The following KNSTRN variants were observed in gnomAD, a reference collection of about 807,000 sequenced individuals.
KNSTRN encodes the protein small kinetochore-associated protein.
A neutral mutation model predicts 44.7 loss-of-function variants in KNSTRN; 38 were observed. That is an observed-to-expected ratio of 0.85 (90% confidence interval 0.66 to 1.11). The LOEUF (loss-of-function observed/expected upper bound fraction) is 1.11. Ranked by LOEUF, KNSTRN falls within the 50% of genes most tolerant of loss-of-function variation. The pLI, the probability that KNSTRN is intolerant of heterozygous loss-of-function variation, is 0.00. For missense variants in KNSTRN, 406 were observed against 375.8 expected, an observed-to-expected ratio of 1.08 and a Z score of -0.66; for synonymous variants, 158 against 148.1, an observed-to-expected ratio of 1.07 and a Z score of -0.48.
chr15:40,390,991 C>T (rs1219172778), intron 6 of KNSTRN, among the ~76,000 whole-genome samples: 4 of 152,096 alleles, frequency 2.6e-5, no homozygotes, highest in East Asian at 1.9e-4. Context: ...GATGGGATCT[C>T]GCTATGTTGC....
At chr15:40,384,495 G>C in intron 2 of KNSTRN, 1 of 455,884 alleles carries the variant, frequency 2.2e-6, no homozygotes, top group South Asian at 1.5e-5. Flanking sequence ...CGGGGACTAG[G>C]AGTTGCTGGA....
At chr15:40,386,020 G>A (rs1393271491) in intron 2 of KNSTRN, among the ~76,000 whole-genome samples, 1 of 152,232 alleles carries the variant, frequency 6.6e-6, no homozygotes, top group East Asian at 1.9e-4. Flanking sequence ...AGGATTGCTT[G>A]AGCCCAGGAG....
intron 3 of KNSTRN, 197 bp from the exon 4 acceptor site, chr15:40,386,962 C>T: frequency 1.6e-6 from 1 of 606,132 alleles, no homozygotes; most frequent in Non-Finnish European, 3.0e-6. Flanking sequence ...AGGCATGCCC[C>T]TTTGCTACTA....
rs56317498 is a variant in KNSTRN at position 40,393,412 on chromosome 15, T to C, written c.823-57T>C. On this transcript the variant is annotated intron_variant, in intron 8 of 8. Coordinates refer to ENST00000249776, the MANE Select transcript of KNSTRN (RefSeq NM_033286.4). ...GTTCTGATGTGGGAATTGTGTTTCC[T>C]GTTAGTCAAGAGTTTTGTGTATGTG... 4.2e-4 allele frequency: 669 copies of C among 1,598,720 alleles called. 2 individuals are homozygous for C. The highest frequency in any genetic ancestry group is 4.6e-4 in the Non-Finnish European group (535 of 1,173,126).
chr15:40,389,083 T>C, intron 4 of KNSTRN: 1 of 432,874 alleles, frequency 2.3e-6, no homozygotes, highest in Non-Finnish European at 4.6e-6. Context: ...CTGAAGGTCA[T>C]ATACCACTGT....
In KNSTRN at chr15:40,389,488, G is replaced by A; in HGVS notation, c.486-18G>A. On this transcript the variant is annotated intron_variant, in intron 4 of 8. Coordinates refer to ENST00000249776, the MANE Select transcript of KNSTRN (RefSeq NM_033286.4). Reference sequence around the variant, plus strand: ...TTAACCCTTTTATCTTTTCATGTAAGTACAACTATTATTACAGCTACAAAC... The same window carrying A: ...TTAACCCTTTTATCTTTTCATGTAAATACAACTATTATTACAGCTACAAAC... 1 of 1,587,874 alleles carries A rather than the reference G, an allele frequency of 6.3e-7. No individual in the cohort carries two copies. Among genetic ancestry groups the A allele is most frequent in the Non-Finnish European group, 8.6e-7 (1 of 1,156,418 alleles).
intron 8 of KNSTRN, among the ~76,000 whole-genome samples, chr15:40,392,365 C>T (rs1377663947): frequency 6.6e-6 from 1 of 152,096 alleles, no homozygotes; most frequent in African/African-American, 2.4e-5. Flanking sequence ...CCAATAGTAA[C>T]ATCTTACATT....
At chr15:40,391,622 C>T (rs1889999485) in intron 7 of KNSTRN, 68 bp downstream of exon 7, 1 of 1,291,604 alleles carries the variant, frequency 7.7e-7, no homozygotes, top group African/African-American at 1.5e-5. Flanking sequence ...CTAAGAAGGT[C>T]TCTGCTATAT....
chr15:40,391,534 A>G lies in KNSTRN; in HGVS notation c.727A>G (p.Thr243Ala), dbSNP rs368888075. 2.5e-6 allele frequency: 4 copies of G among 1,613,980 alleles called. No homozygotes were observed. The highest frequency in any genetic ancestry group is 3.3e-5 in the Admixed American group (2 of 60,000). The change falls in exon 7 of 9, where the codon ACT becomes GCT. Residue 243 changes from threonine to alanine, a missense_variant. By Grantham distance (58) the Thr-to-Ala change is moderately conservative (BLOSUM62 0). Transcript: ENST00000249776. ...ETLASRQEST[T>A]DHMDSMLLLE... ...CCTGGCATCACGACAAGAATCCACT[A>G]CTGATCACATGGACTCTATGGTGAG...
At chr15:40,392,088 T>C (rs72733428) in intron 8 of KNSTRN, 65 bp downstream of exon 8, 123,583 of 939,118 alleles carry the variant, frequency 0.13, 8,883 homozygotes, top group African/African-American at 0.18. Flanking sequence ...TGGGGTCTTT[T>C]CTGTTTTTCT....
At chr15:40,383,375 G>C in intron 2 of KNSTRN, 53 bp downstream of exon 2, 2 of 1,433,790 alleles carry the variant, frequency 1.4e-6, no homozygotes, top group Non-Finnish European at 1.9e-6. Context: ...GGATGGTCTC[G>C]GGAGTGTGGA....
intron 8 of KNSTRN, chr15:40,393,250 T>G (rs1890032921): frequency 6.2e-7 from 1 of 1,613,732 alleles, no homozygotes; most frequent in African/African-American, 1.3e-5. Context: ...ATCGTTCCAG[T>G]TTAGATACAG....
chr15:40,382,928 C>A lies in KNSTRN; in HGVS notation c.93C>A (p.Tyr31Ter), dbSNP rs561358639. 6.2e-7 allele frequency: 1 copy of A among 1,612,342 alleles called. No homozygotes were observed. The highest frequency in any genetic ancestry group is 1.1e-5 in the South Asian group (1 of 90,998). ...ECDSHPLPPS[Y>*]RKFLFETQAA... Reference sequence around the variant, plus strand: ...ATTCCCACCCACTTCCGCCTAGCTACCGGAAGTTTCTATTTGAAACCCAGG... The same window carrying A: ...ATTCCCACCCACTTCCGCCTAGCTAACGGAAGTTTCTATTTGAAACCCAGG... Residue 31 changes from tyrosine to a stop codon, truncating the protein, a stop_gained, in exon 1 of 9, where the codon TAC (tyrosine) becomes TAA (stop). Transcript: ENST00000249776. LOFTEE classifies it high-confidence loss of function.
chr15:40,384,083 C>G (rs1889860964), intron 2 of KNSTRN: 1 of 176,026 alleles, frequency 5.7e-6, no homozygotes. Context: ...CAAGATGGAG[C>G]GCTGAAGTGG....
intron 7 of KNSTRN, 187 bp from the exon 8 acceptor site, chr15:40,391,761 AT>A (rs1890001114): frequency 1.5e-6 from 1 of 660,274 alleles, no homozygotes; most frequent in African/African-American, 1.8e-5. Flanking sequence ...GTGAGTCTGA[AT>A]TGAAAATTTA....
At chr15:40,386,766 C>T in intron 3 of KNSTRN, 2 of 514,340 alleles carry the variant, frequency 3.9e-6, no homozygotes, top group Non-Finnish European at 7.0e-6. Context: ...CATACAGCAA[C>T]CCTGAGGGGT....
rs1304297276 is a variant in KNSTRN at position 40,389,835 on chromosome 15, G to A, written c.592-1G>A. The A allele has an allele frequency of 6.2e-7, 1 of 1,613,928 alleles. No homozygotes were observed. The highest frequency in any genetic ancestry group is 8.5e-7 in the Non-Finnish European group (1 of 1,179,874). ...GATCTGTCTGTGCTGTGCTCCAATAGGGAGAGCTGAAGGACCTGACCCAGA... is the reference window on the plus strand; with the variant it reads ...GATCTGTCTGTGCTGTGCTCCAATAAGGAGAGCTGAAGGACCTGACCCAGA... On this transcript the variant is annotated splice_acceptor_variant, in intron 5 of 8. Coordinates refer to ENST00000249776, the MANE Select transcript of KNSTRN (RefSeq NM_033286.4). LOFTEE classifies it high-confidence loss of function.
At chr15:40,386,064 T>C (rs1889894797) in intron 2 of KNSTRN, among the ~76,000 whole-genome samples, 1 of 152,140 alleles carries the variant, frequency 6.6e-6, no homozygotes, top group African/African-American at 2.4e-5. Flanking sequence ...AGTGAGACCC[T>C]GTCTCTATTT....
chr15:40,382,906 C>A lies in KNSTRN; in HGVS notation c.71C>A (p.Ser24Tyr), dbSNP rs868438023. The A allele has an allele frequency of 6.2e-7, 1 of 1,612,282 alleles. No individual in the cohort carries two copies. The highest frequency in any genetic ancestry group is 2.2e-5 in the East Asian group (1 of 44,880). Reference sequence around the variant, plus strand: ...ACATGGCTGTCTACAGAGTGCGATTCCCACCCACTTCCGCCTAGCTACCGG... The same window carrying A: ...ACATGGCTGTCTACAGAGTGCGATTACCACCCACTTCCGCCTAGCTACCGG... ...RTTWLSTECD[S>Y]HPLPPSYRKF... Residue 24 changes from serine to tyrosine, a missense_variant, in exon 1 of 9, where the codon TCC (serine) becomes TAC (tyrosine). By Grantham distance (144) the Ser-to-Tyr change is moderately radical. Coordinates refer to ENST00000249776, the MANE Select transcript of KNSTRN (RefSeq NM_033286.4).
Sources: allele counts gnomAD v4.1 joint callset (sites outside exome capture counted in the v4.1 genomes callset), GRCh38; gene constraint gnomAD v4.1.1; transcripts MANE v1.5; gene names NCBI Gene and HGNC (gene_info 2026-07-23, HGNC 2026-07-21).